The following RELN variants were observed in gnomAD, a reference collection of about 807,000 sequenced individuals.
The protein encoded by RELN is reelin.
In RELN, 108 loss-of-function variants were observed where a neutral mutation model predicts 427.6. That is an observed-to-expected ratio of 0.25 (90% confidence interval 0.22 to 0.30). The LOEUF is 0.30. Among genes scored for constraint, RELN ranks in the 10% least tolerant of loss-of-function variants. The pLI, the probability that RELN is intolerant of heterozygous loss-of-function variation, is 1.00. For missense variants in RELN, 3,715 were observed against 4,302.8 expected (o/e 0.86, Z 3.82); for synonymous variants, 1,524 against 1,513.4 (o/e 1.01, Z -0.16).
At chr7:103,514,691 T>G (rs1245738543) in intron 50 of RELN, among the ~76,000 whole-genome samples, 1 of 152,128 alleles carries the variant, frequency 6.6e-6, no homozygotes, top group Non-Finnish European at 1.5e-5. Context: ...AGGTCCTTCC[T>G]GCTTCACCAA....
intron 1 of RELN, among the ~76,000 whole-genome samples, chr7:103,925,463 G>T (rs1317967303): frequency 1.3e-4 from 20 of 151,924 alleles, no homozygotes; most frequent in Non-Finnish European, 2.9e-5. Context: ...AAGAGTAACT[G>T]GTATTTGTGA....
At chr7:103,510,160 A>T (rs1829358272) in intron 51 of RELN, among the ~76,000 whole-genome samples, 1 of 152,234 alleles carries the variant, frequency 6.6e-6, no homozygotes, top group Admixed American at 6.5e-5. Flanking sequence ...AAGGATTATA[A>T]ATCATTCTAC....
At chr7:103,693,562 A>G (rs1437517240) in intron 10 of RELN, among the ~76,000 whole-genome samples, 1 of 151,388 alleles carries the variant, frequency 6.6e-6, no homozygotes, top group Non-Finnish European at 1.5e-5. Context: ...AAAATAAAAA[A>G]TAAAGGATGA....
In RELN at chr7:103,495,895, C is replaced by A. The variant is rs769304786; in HGVS notation, c.9197G>T (p.Gly3066Val). The A allele has an allele frequency of 6.2e-7, 1 of 1,613,418 alleles. No homozygotes were observed. Among genetic ancestry groups the A allele is most frequent in the Non-Finnish European group, 8.5e-7 (1 of 1,179,742 alleles). Residue 3066 changes from glycine (G) to valine (V), a missense_variant, in exon 57 of 65, where the codon GGC becomes GTC. This residue lies in a region of RELN where 1,310 missense variants were observed against 1,643.0 expected (regional missense o/e 0.80). Transcript: ENST00000428762. ...SQLVDTFDDE[G>V]TSHEENWSFY... Reference sequence around the variant, plus strand: ...ACTCCAGTTTTCTTCATGGGAAGTGCCTTCTGTTAAGGAAAATTGGAAGCA... The same window carrying A: ...ACTCCAGTTTTCTTCATGGGAAGTGACTTCTGTTAAGGAAAATTGGAAGCA...
chr7:103,537,353 T>C (rs1394638726), intron 45 of RELN, among the ~76,000 whole-genome samples: 1 of 152,166 alleles, frequency 6.6e-6, no homozygotes, highest in Admixed American at 6.5e-5. Context: ...CCCACCTTCA[T>C]TGGCTCTGGA....
chr7:103,552,085 C>T (rs2535764), intron 40 of RELN, among the ~76,000 whole-genome samples: 37,420 of 152,042 alleles, frequency 0.25, 4,953 homozygotes, highest in South Asian at 0.45. Flanking sequence ...CTTGTCTCCT[C>T]TCACCTACTT....
At chr7:103,644,765 T>C (rs959812492) in intron 16 of RELN, among the ~76,000 whole-genome samples, 1 of 151,694 alleles carries the variant, frequency 6.6e-6, no homozygotes, top group Non-Finnish European at 1.5e-5. Context: ...GACATCCAGA[T>C]TTAAGAGGCT....
chr7:103,798,624 C>T (rs1479760625), intron 3 of RELN, among the ~76,000 whole-genome samples: 2 of 152,142 alleles, frequency 1.3e-5, no homozygotes, highest in Admixed American at 6.5e-5. Context: ...ATGTTGTTCT[C>T]TATAAATCTC....
At chr7:103,536,585 G>A (rs1830056746) in intron 45 of RELN, among the ~76,000 whole-genome samples, 1 of 152,200 alleles carries the variant, frequency 6.6e-6, no homozygotes. Context: ...AGGTTTCTAG[G>A]TAAATACAAT....
At chr7:103,980,483 A>G (rs1307712439) in intron 1 of RELN, among the ~76,000 whole-genome samples, 1 of 152,044 alleles carries the variant, frequency 6.6e-6, no homozygotes. Context: ...CATTTTTGAG[A>G]TTAGTTTTAT....
In RELN at chr7:103,776,687, G is replaced by T. The variant is rs262338; in HGVS notation, c.474-60C>A. The T allele has an allele frequency of 0.47, 727,269 of 1,550,538 alleles. 171,681 individuals carry two copies. The highest frequency in any genetic ancestry group is 0.6 in the African/African-American group (44,051 of 73,696). ...TGTAATATGTTTGGTGAAAATGTAT[G>T]TTTAAAACTTTTTAAAAAGCTTATT... is the stretch of plus-strand genomic sequence containing the variant. On this transcript the variant is annotated intron_variant, in intron 3 of 64. Coordinates refer to ENST00000428762, the MANE Select transcript of RELN (RefSeq NM_005045.4).
chr7:103,490,138 T>A (rs1173494287), intron 59 of RELN, among the ~76,000 whole-genome samples: 1 of 152,248 alleles, frequency 6.6e-6, no homozygotes, highest in African/African-American at 2.4e-5. Flanking sequence ...AATTTCCTAT[T>A]CTAGTCCATA....
Position 103,700,655 on chromosome 7 carries a change from A to G in RELN, c.902+255T>C, listed in dbSNP as rs965522728. 2.0e-5 allele frequency among the ~76,000 whole-genome samples: 3 copies of G among 152,306 alleles called. No homozygotes were observed. The South Asian group carries it at 6.2e-4, about 32-fold the overall frequency. On this transcript the variant is annotated intron_variant, in intron 9 of 64. Transcript: ENST00000428762. ...ATGCTATCAAAAAAGCTATGATTGC[A>G]AATTTACTTTTACCAAAAATAGTTT...
intron 3 of RELN, among the ~76,000 whole-genome samples, chr7:103,805,693 T>C (rs1489345381): frequency 1.2e-4 from 18 of 152,192 alleles, no homozygotes; most frequent in Non-Finnish European, 1.5e-5. Flanking sequence ...TTTTGCTGGG[T>C]CACAGGCTCT....
chr7:103,682,303 G>A (rs1313363102), intron 10 of RELN, 42 bp from the exon 11 acceptor site: 2 of 1,608,238 alleles, frequency 1.2e-6, no homozygotes, highest in South Asian at 1.1e-5. Flanking sequence ...TTGAATTGGT[G>A]TTGTAGCTGT....
intron 6 of RELN, among the ~76,000 whole-genome samples, chr7:103,745,776 C>G (rs368784030): frequency 6.6e-6 from 1 of 151,648 alleles, no homozygotes. Context: ...AGGATACAAA[C>G]AAATGGAAGA....
intron 14 of RELN, among the ~76,000 whole-genome samples, chr7:103,652,193 T>C (rs1832931225): frequency 6.6e-6 from 1 of 150,776 alleles, no homozygotes; most frequent in African/African-American, 2.5e-5. Flanking sequence ...CTAATTGATT[T>C]CCATGCTTAT....
rs565297525 is a variant in RELN, at chr7:103,819,236, CTA to C, written c.473+14299_473+14300del. On this transcript the variant is annotated intron_variant, in intron 3 of 64. Coordinates refer to ENST00000428762, the MANE Select transcript of RELN (RefSeq NM_005045.4). ...CAAGTTTAAATATTAAAAATCAACT[CTA>C]TTTATGACATATATTTATTTACTGA... Among the ~76,000 whole-genome samples the C allele has an allele frequency of 3.0e-3, 449 of 152,082 alleles. 3 individuals carry two copies. Among genetic ancestry groups the C allele is most frequent in the African/African-American group, 0.01 (435 of 41,510 alleles).
chr7:103,901,124 T>C (rs1192209220), intron 2 of RELN, among the ~76,000 whole-genome samples: 1 of 152,054 alleles, frequency 6.6e-6, no homozygotes, highest in African/African-American at 2.4e-5. Context: ...CCAAAGAAGA[T>C]GTACGATGGT....
Sources: allele counts gnomAD v4.1 joint callset (sites outside exome capture counted in the v4.1 genomes callset), GRCh38; gene constraint gnomAD v4.1.1; regional missense constraint gnomAD v4.1.1; transcripts MANE v1.5; gene names NCBI Gene and HGNC (gene_info 2026-07-23, HGNC 2026-07-21).